The following RYR2 variants were observed in gnomAD, a reference collection of about 807,000 sequenced individuals.
RYR2 encodes cardiac muscle ryanodine receptor-calcium release channel.
In RYR2, 227 loss-of-function variants were observed where a neutral mutation model predicts 601.1. The ratio of observed to expected loss-of-function variants is 0.38; its 90% CI spans 0.34 to 0.42. The LOEUF (loss-of-function observed/expected upper bound fraction) is 0.42, where lower values mean the gene tolerates loss of function less well. RYR2 is among the 10% of genes least tolerant of loss of function. The pLI is 1.00. For missense variants in RYR2, 4,646 were observed against 6,156.5 expected (o/e 0.75, Z 8.21); for synonymous variants, 2,223 against 2,175.1 (o/e 1.02, Z -0.61).
chr1:237,075,311 C>T (rs1300776534), intron 1 of RYR2, among the ~76,000 whole-genome samples: 1 of 151,712 alleles, frequency 6.6e-6, no homozygotes, highest in Non-Finnish European at 1.5e-5. Context: ...GTCTACAGCT[C>T]CCAGCGTGAG....
chr1:237,140,865 A>G (rs1393151423), intron 1 of RYR2, among the ~76,000 whole-genome samples: 1 of 152,200 alleles, frequency 6.6e-6, no homozygotes, highest in Non-Finnish European at 1.5e-5. Flanking sequence ...AGTATCCTTC[A>G]GATATGCAGA....
In RYR2 at chr1:237,614,076, T is replaced by C. The variant is rs1678198142; in HGVS notation, c.4948T>C (p.Leu1650=). Residue 1650 remains leucine, a synonymous_variant, in exon 37 of 105, where the codon TTG becomes CTG. Coordinates refer to ENST00000366574, the MANE Select transcript of RYR2 (RefSeq NM_001035.3). The surrounding 1 kb of genome is among the most constrained non-coding windows in gnomAD (Gnocchi z 4.3). The part of the protein sequence containing the change: ...DILELTEQEE[L]LKFHYHTLRL... ...CTTAGAGTTGACAGAGCAGGAGGAA[T>C]TGCTGAAATTTCACTATCACACTCT... is the stretch of plus-strand genomic sequence containing the variant. 11 of 1,613,938 alleles carry C rather than the reference T, an allele frequency of 6.8e-6. No individual in the cohort carries two copies. The highest frequency in any genetic ancestry group is 9.3e-6 in the Non-Finnish European group (11 of 1,179,812).
At chr1:237,286,736 G>C (rs1222975612) in intron 2 of RYR2, among the ~76,000 whole-genome samples, 1 of 151,788 alleles carries the variant, frequency 6.6e-6, no homozygotes, top group Non-Finnish European at 1.5e-5. Flanking sequence ...GCAGATGGCT[G>C]GTGAGTTCTT....
intron 93 of RYR2, chr1:237,791,816 T>C (rs1219161866): frequency 8.8e-6 from 5 of 568,870 alleles, no homozygotes; most frequent in Admixed American, 3.1e-5. Context: ...CATACCGTAT[T>C]ATATTACATT....
At chr1:237,483,217 T>C (rs760275866) in intron 17 of RYR2, among the ~76,000 whole-genome samples, 1 of 152,228 alleles carries the variant, frequency 6.6e-6, no homozygotes, top group Non-Finnish European at 1.5e-5. Flanking sequence ...TTTCTCTACC[T>C]CTTACGACTA....
chr1:237,248,128 C>T (rs545837345), intron 1 of RYR2, among the ~76,000 whole-genome samples: 274 of 151,958 alleles, frequency 1.8e-3, no homozygotes, highest in African/African-American at 5.4e-3. Flanking sequence ...AAAAATGAGC[C>T]GGGTGTGGTG....
intron 1 of RYR2, among the ~76,000 whole-genome samples, chr1:237,168,240 G>A (rs1209437776): frequency 6.6e-6 from 1 of 151,526 alleles, no homozygotes; most frequent in African/African-American, 2.4e-5. Context: ...TAGATTCCTG[G>A]GCATTAATCG....
At chr1:237,782,765 A>C (rs1695227572) in intron 89 of RYR2, among the ~76,000 whole-genome samples, 2 of 152,202 alleles carry the variant, frequency 1.3e-5, no homozygotes, top group African/African-American at 4.8e-5. Context: ...CCTAGTAACA[A>C]GTTTATCAGT....
chr1:237,295,750 A>C (rs1226105123), intron 2 of RYR2, among the ~76,000 whole-genome samples: 1 of 152,212 alleles, frequency 6.6e-6, no homozygotes, highest in Non-Finnish European at 1.5e-5. Flanking sequence ...AAAAGGAAAA[A>C]ATATTGCCAT....
At chr1:237,201,838 G>C (rs1273593323) in intron 1 of RYR2, among the ~76,000 whole-genome samples, 1 of 152,150 alleles carries the variant, frequency 6.6e-6, no homozygotes, top group Non-Finnish European at 1.5e-5. Flanking sequence ...AGATGGACTG[G>C]AAGGTGACGT....
chr1:237,445,705 T>TA (rs1374103454), intron 14 of RYR2, among the ~76,000 whole-genome samples, 183 bp downstream of exon 14: 2 of 152,212 alleles, frequency 1.3e-5, no homozygotes, highest in Non-Finnish European at 1.5e-5. Flanking sequence ...AATAAACTTT[T>TA]AAAAAGAATA....
At chr1:237,704,411 A>G (rs1052234808) in intron 66 of RYR2, among the ~76,000 whole-genome samples, 4 of 152,148 alleles carry the variant, frequency 2.6e-5, no homozygotes, top group African/African-American at 4.8e-5. Context: ...AAATAAAACC[A>G]TCATGTAAAG....
intron 65 of RYR2, among the ~76,000 whole-genome samples, chr1:237,700,944 G>A (rs945964682): frequency 1.3e-5 from 2 of 152,200 alleles, no homozygotes; most frequent in Non-Finnish European, 2.9e-5. Context: ...TCTGTTTAGA[G>A]GTTTCTGACA....
rs1693512343 is a variant in RYR2, at chr1:237,302,999, G to A, written c.169-27879G>A. Among the ~76,000 whole-genome samples the A allele has an allele frequency of 2.0e-5, 3 of 152,222 alleles. No homozygotes were observed. In the South Asian group the frequency reaches 6.2e-4, roughly 32 times the overall value. On this transcript the variant is annotated intron_variant, in intron 2 of 104. Coordinates refer to ENST00000366574, the MANE Select transcript of RYR2 (RefSeq NM_001035.3). ...ACATCTGCACTGGGCATCAAAATAA[G>A]AAAAATCTTGCTAATCTGAAAGGCA...
intron 71 of RYR2, 65 bp downstream of exon 71, chr1:237,711,902 T>G: frequency 5.1e-6 from 4 of 780,180 alleles, no homozygotes; most frequent in Non-Finnish European, 8.7e-6. Flanking sequence ...GAATTGACTT[T>G]TTTTTTTTAG....
intron 17 of RYR2, among the ~76,000 whole-genome samples, chr1:237,485,844 G>T (rs1368540294): frequency 1.3e-5 from 2 of 152,182 alleles, no homozygotes; most frequent in Non-Finnish European, 1.5e-5. Flanking sequence ...TATGCTAAGG[G>T]GAGTGGACTT....
At chr1:237,315,701 A>G (rs1367093475) in intron 2 of RYR2, among the ~76,000 whole-genome samples, 1 of 152,206 alleles carries the variant, frequency 6.6e-6, no homozygotes, top group African/African-American at 2.4e-5. Context: ...TGTGTAATAC[A>G]AGGCAGTTTG....
rs1278626039 is a variant in RYR2, at chr1:237,299,023, C to G, written c.168+28407C>G. 2.6e-5 allele frequency among the ~76,000 whole-genome samples: 4 copies of G among 151,930 alleles called. No homozygotes were observed. In the East Asian group the frequency reaches 7.7e-4, roughly 29 times the overall value. On this transcript the variant is annotated intron_variant, in intron 2 of 104. Transcript: ENST00000366574. ...AAAATAAACATTTATTATTATTTTGCTTTTGTATCATATGCATGCCTCTGT... is the reference window on the plus strand; with the variant it reads ...AAAATAAACATTTATTATTATTTTGGTTTTGTATCATATGCATGCCTCTGT...
At chr1:237,101,178 C>T (rs1389437519) in intron 1 of RYR2, among the ~76,000 whole-genome samples, 1 of 151,940 alleles carries the variant, frequency 6.6e-6, no homozygotes. Flanking sequence ...CTTATAGGTC[C>T]CTGGCTCAGT....
Sources: gnomAD v4.1 joint callset for allele counts (sites outside exome capture counted in the v4.1 genomes callset) on GRCh38, gnomAD v4.1.1 for gene constraint, Gnocchi (gnomAD v3.1) non-coding constraint, MANE v1.5 for transcripts, NCBI Gene and HGNC (gene_info 2026-07-23, HGNC 2026-07-21) for gene names.